ALDH18A1: variants seen among roughly 807,000 people sequenced by gnomAD.
The protein encoded by ALDH18A1 is aldehyde dehydrogenase 18 family member A1, also known as delta-1-pyrroline-5-carboxylate synthase.
Under a neutral mutation model 88.8 loss-of-function variants are expected in ALDH18A1, and 44 were observed. That is an observed-to-expected ratio of 0.50 (90% confidence interval 0.39 to 0.64). The LOEUF is 0.64. Among genes scored for constraint, ALDH18A1 ranks in the 30% least tolerant of loss-of-function variants. The probability of loss-of-function intolerance (pLI) is 0.00; values close to 1 mark genes in which losing one functional copy is unlikely to be tolerated. For missense variants in ALDH18A1, 782 were observed against 1,009.5 expected (o/e 0.77, Z 3.05); for synonymous variants, 331 against 372.1 (o/e 0.89, Z 1.27).
chr10:95,638,036 C>T (rs1048445957), intron 3 of ALDH18A1, among the ~76,000 whole-genome samples: 1 of 152,230 alleles, frequency 6.6e-6, no homozygotes, highest in Admixed American at 6.5e-5. Context: ...TTTTTTAAGG[C>T]AGAGTCTTGC....
chr10:95,619,591 GA>G (rs200357660), intron 12 of ALDH18A1, among the ~76,000 whole-genome samples: 2,718 of 152,148 alleles, frequency 0.018, 35 homozygotes, highest in Admixed American at 0.026. Context: ...AAAACAGAGA[GA>G]TAGACCAATG....
intron 17 of ALDH18A1, among the ~76,000 whole-genome samples, chr10:95,607,199 A>G (rs1038215449): frequency 6.6e-6 from 1 of 152,196 alleles, no homozygotes; most frequent in African/African-American, 2.4e-5. Flanking sequence ...GCATTTTGAC[A>G]ATGCTATTAA....
chr10:95,636,408 T>C (rs2097880759), intron 5 of ALDH18A1, among the ~76,000 whole-genome samples: 3 of 152,266 alleles, frequency 2.0e-5, no homozygotes, highest in Middle Eastern at 3.4e-3. Flanking sequence ...GTACAGTTGA[T>C]TAAGAATATA....
At chr10:95,608,628 A>T (rs2097827233) in intron 17 of ALDH18A1, among the ~76,000 whole-genome samples, 1 of 152,136 alleles carries the variant, frequency 6.6e-6, no homozygotes, top group Non-Finnish European at 1.5e-5. Context: ...CAGCCTCCTG[A>T]GTAACTGGGA....
At chr10:95,621,843 T>C (rs537529600) in intron 11 of ALDH18A1, among the ~76,000 whole-genome samples, 1 of 152,294 alleles carries the variant, frequency 6.6e-6, no homozygotes, top group South Asian at 2.1e-4. Context: ...CATGGCATTT[T>C]TGTAATGCTG....
chr10:95,623,522 C>T (rs948192425), intron 11 of ALDH18A1, among the ~76,000 whole-genome samples: 3 of 152,104 alleles, frequency 2.0e-5, no homozygotes, highest in Non-Finnish European at 2.9e-5. Context: ...ATTCTCCTGC[C>T]TCAGCTGCCT....
chr10:95,651,140 A>C (rs2097909804), intron 2 of ALDH18A1, among the ~76,000 whole-genome samples: 1 of 151,086 alleles, frequency 6.6e-6, no homozygotes, highest in Non-Finnish European at 1.5e-5. Context: ...CTCAAAAAAC[A>C]AAAAAAAACA....
At chr10:95,634,798 C>G (rs547789275) in intron 5 of ALDH18A1, among the ~76,000 whole-genome samples, 6 of 152,092 alleles carry the variant, frequency 3.9e-5, no homozygotes, top group East Asian at 1.9e-4. Context: ...ATGGAGATAG[C>G]AAGAAACTAA....
At chr10:95,617,234 G>A (rs551239929) in intron 12 of ALDH18A1, among the ~76,000 whole-genome samples, 1 of 152,342 alleles carries the variant, frequency 6.6e-6, no homozygotes, top group South Asian at 2.1e-4. Flanking sequence ...GCAACAGAGT[G>A]AGACTCCGTC....
chr10:95,642,235 C>T (rs1044780663), intron 3 of ALDH18A1, among the ~76,000 whole-genome samples: 1 of 152,148 alleles, frequency 6.6e-6, no homozygotes, highest in African/African-American at 2.4e-5. Context: ...CAGCTCACGG[C>T]CACGCTCATT....
Position 95,642,997 on chromosome 10 carries a change from C to G in ALDH18A1, c.298G>C (p.Glu100Gln). Residue 100 changes from glutamate (E) to glutamine (Q), a missense_variant, in exon 3 of 18, where the codon GAG (glutamate) becomes CAG (glutamine). This residue lies in a region of ALDH18A1 where 132 missense variants were observed against 255.5 expected (regional missense o/e 0.52). Transcript: ENST00000371224. ...ATTTCTATCTTGGCAATCACCTGCTCAACAATAGATGCCAAGCGCCCCAGG... is the reference window on the plus strand; with the variant it reads ...ATTTCTATCTTGGCAATCACCTGCTGAACAATAGATGCCAAGCGCCCCAGG... ...LALGRLASIV[E>Q]QVSVLQNQGR... 1 of 1,613,264 alleles carries G rather than the reference C, an allele frequency of 6.2e-7. No homozygotes were observed. Among genetic ancestry groups the G allele is most frequent in the South Asian group, 1.1e-5 (1 of 91,024 alleles).
At chr10:95,651,650 G>A (rs1278063429) in intron 2 of ALDH18A1, among the ~76,000 whole-genome samples, 1 of 151,950 alleles carries the variant, frequency 6.6e-6, no homozygotes, top group Non-Finnish European at 1.5e-5. Context: ...GAGAGTGAGG[G>A]GGTGGTGCCA....
intron 10 of ALDH18A1, 35 bp from the exon 11 acceptor site, chr10:95,625,490 TGTTAATCCAAG>T (rs1274103729): frequency 2.4e-5 from 38 of 1,571,902 alleles, no homozygotes; most frequent in Non-Finnish European, 3.2e-5. Context: ...AAAACAGAGA[TGTTAATCCAAG>T]AAGAATGCAC....
At position 95,614,265 on chromosome 10, in the gene ALDH18A1, T is replaced by G. The variant is rs2097840807; in HGVS notation, c.1606-104A>C. ...ATAAACATCTGTACACTCTGAGAAC[T>G]AAGTGAGACACTGTGAAAACTTATT... On this transcript the variant is annotated intron_variant, in intron 13 of 17. Coordinates refer to ENST00000371224, the MANE Select transcript of ALDH18A1 (RefSeq NM_002860.4). The G allele has an allele frequency of 6.6e-6, 8 of 1,204,532 alleles. No homozygotes were observed. In the South Asian group the frequency reaches 1.0e-4, roughly 16 times the overall value. The allele number at this position is 1,204,532 out of a possible 1,614,324, so 74.6% of individuals were successfully genotyped here.
chr10:95,615,786 A>G (rs1409769211), intron 13 of ALDH18A1, among the ~76,000 whole-genome samples: 1 of 152,230 alleles, frequency 6.6e-6, no homozygotes, highest in Non-Finnish European at 1.5e-5. Flanking sequence ...AAGGATCTGG[A>G]GTCAGCCTAG....
intron 8 of ALDH18A1, among the ~76,000 whole-genome samples, chr10:95,628,069 A>G (rs916339543): frequency 4.6e-5 from 7 of 152,266 alleles, no homozygotes; most frequent in Non-Finnish European, 5.9e-5. Flanking sequence ...ATCAAGAAAT[A>G]TTTGAACTGA....
chr10:95,621,476 G>T (rs1242082981), intron 11 of ALDH18A1, among the ~76,000 whole-genome samples: 1 of 151,794 alleles, frequency 6.6e-6, no homozygotes, highest in African/African-American at 2.4e-5. Flanking sequence ...TGCACCACCA[G>T]GCCTGGCTTA....
intron 12 of ALDH18A1, among the ~76,000 whole-genome samples, chr10:95,619,743 A>G (rs2097849304): frequency 6.6e-6 from 1 of 152,220 alleles, no homozygotes; most frequent in African/African-American, 2.4e-5. Context: ...ATATGTAGAG[A>G]GCTGAAACTG....
chr10:95,626,587 C>G, intron 10 of ALDH18A1, 116 bp downstream of exon 10: 3 of 963,292 alleles, frequency 3.1e-6, no homozygotes, highest in Non-Finnish European at 4.9e-6. Flanking sequence ...ACTTGTAACT[C>G]AGATAACTCT....
Sources: gnomAD v4.1 joint callset for allele counts (sites outside exome capture counted in the v4.1 genomes callset) on GRCh38, gnomAD v4.1.1 for gene constraint, gnomAD v4.1.1 regional missense constraint, MANE v1.5 for transcripts, NCBI Gene and HGNC (gene_info 2026-07-23, HGNC 2026-07-21) for gene names.